The following CBFA2T2 variants were observed in gnomAD, a reference collection of about 807,000 sequenced individuals.
CBFA2T2 encodes CBFA2/RUNX1 partner transcriptional co-repressor 2.
Under a neutral mutation model 62.2 loss-of-function variants are expected in CBFA2T2, and 11 were observed. The observed-to-expected ratio is 0.18, with a 90% CI of 0.11 to 0.29. The LOEUF (loss-of-function observed/expected upper bound fraction) is 0.29. Among genes scored for constraint, CBFA2T2 ranks in the 10% least tolerant of loss-of-function variants. The pLI, the probability that CBFA2T2 is intolerant of heterozygous loss-of-function variation, is 1.00. For synonymous variants in CBFA2T2, 295 were observed against 287.5 expected, an observed-to-expected ratio of 1.03 and a Z score of -0.27; for missense variants, 592 against 774.1, an observed-to-expected ratio of 0.76 and a Z score of 2.79.
At chr20:33,588,685 G>T (rs895817041) in intron 1 of CBFA2T2, among the ~76,000 whole-genome samples, 2 of 152,160 alleles carry the variant, frequency 1.3e-5, no homozygotes, top group Admixed American at 1.3e-4. Context: ...GGTGGCTCAC[G>T]CCTGTAATCC....
intron 1 of CBFA2T2, among the ~76,000 whole-genome samples, chr20:33,604,054 G>A (rs1194994328): frequency 6.6e-6 from 1 of 152,154 alleles, no homozygotes; most frequent in Non-Finnish European, 1.5e-5. Flanking sequence ...CATCAAAAAT[G>A]CCACTTTACA....
intron 1 of CBFA2T2, among the ~76,000 whole-genome samples, chr20:33,533,523 G>T (rs1287598642): frequency 6.6e-6 from 1 of 152,124 alleles, no homozygotes; most frequent in Non-Finnish European, 1.5e-5. Context: ...GTAGTATTCT[G>T]TTGTATGGAT....
At chr20:33,621,064 GCA>G (rs1425239006) in intron 4 of CBFA2T2, among the ~76,000 whole-genome samples, 1 of 151,988 alleles carries the variant, frequency 6.6e-6, no homozygotes, top group Non-Finnish European at 1.5e-5. Flanking sequence ...CTTTAATCTG[GCA>G]CAGTTACTCA....
At position 33,562,645 on chromosome 20, in the gene CBFA2T2, T is replaced by C. The variant is rs536821400; in HGVS notation, c.35-44311T>C. On this transcript the variant is annotated intron_variant, in intron 1 of 10. Coordinates refer to ENST00000342704, the MANE Select transcript of CBFA2T2 (RefSeq NM_001032999.3). ...CAAATAAATTTGGTGTATTTAAGAA[T>C]CTGGATTGTTTATAATTTGGGCATT... The C allele has an allele frequency of 1.4e-5, 14 of 985,502 alleles. No homozygotes were observed. In the South Asian group the frequency reaches 2.3e-4, roughly 17 times the overall value. The allele number at this position is 985,502 out of a possible 1,614,324, so 61.0% of individuals were successfully genotyped here.
At chr20:33,614,354 GTATT>G (rs1240245174) in intron 3 of CBFA2T2, among the ~76,000 whole-genome samples, 1 of 152,072 alleles carries the variant, frequency 6.6e-6, no homozygotes, top group Non-Finnish European at 1.5e-5. Flanking sequence ...TTGCCATTGT[GTATT>G]TAGAGCCTAT....
At chr20:33,578,841 T>C (rs1452515170) in intron 1 of CBFA2T2, among the ~76,000 whole-genome samples, 1 of 151,836 alleles carries the variant, frequency 6.6e-6, no homozygotes, top group Non-Finnish European at 1.5e-5. Context: ...GCAGGAAATC[T>C]GAAGGATGGC....
At chr20:33,571,752 C>A (rs758705969) in intron 1 of CBFA2T2, among the ~76,000 whole-genome samples, 1 of 152,198 alleles carries the variant, frequency 6.6e-6, no homozygotes, top group Non-Finnish European at 1.5e-5. Context: ...GTAGTACACT[C>A]TTTTTGCTGA....
chr20:33,629,639 A>G (rs1387883329), intron 7 of CBFA2T2, 80 bp from the exon 8 acceptor site: 2 of 1,264,518 alleles, frequency 1.6e-6, no homozygotes, highest in Non-Finnish European at 2.2e-6. Flanking sequence ...TGAATTCCTC[A>G]TATTGCGTTG....
chr20:33,542,463 C>A (rs2012432961), intron 1 of CBFA2T2, among the ~76,000 whole-genome samples: 2 of 151,868 alleles, frequency 1.3e-5, no homozygotes, highest in African/African-American at 4.8e-5. Flanking sequence ...TAATTTTTTT[C>A]ATTAAGCCTC....
At chr20:33,508,238 G>T (rs1434414903) in intron 1 of CBFA2T2, among the ~76,000 whole-genome samples, 1 of 152,022 alleles carries the variant, frequency 6.6e-6, no homozygotes, top group Non-Finnish European at 1.5e-5. Flanking sequence ...GGTATTACAG[G>T]TGTGCGCCAC....
chr20:33,562,286 G>A (rs917888250), intron 1 of CBFA2T2: 5 of 623,582 alleles, frequency 8.0e-6, no homozygotes, highest in African/African-American at 2.0e-5. Flanking sequence ...TGGGAGGTGT[G>A]TACTTAGTGA....
At chr20:33,541,390 C>T (rs946971782) in intron 1 of CBFA2T2, among the ~76,000 whole-genome samples, 1 of 152,196 alleles carries the variant, frequency 6.6e-6, no homozygotes, top group African/African-American at 2.4e-5. Context: ...TGGAGACCAG[C>T]GGGTCATCTT....
At chr20:33,627,825 ATAG>A (rs1301643744) in intron 6 of CBFA2T2, among the ~76,000 whole-genome samples, 2 of 152,220 alleles carry the variant, frequency 1.3e-5, no homozygotes, top group African/African-American at 4.8e-5. Context: ...TAGGTTTAAA[ATAG>A]TAGACAATTC....
chr20:33,572,871 G>A (rs1767354321), intron 1 of CBFA2T2, among the ~76,000 whole-genome samples: 2 of 152,186 alleles, frequency 1.3e-5, no homozygotes, highest in African/African-American at 4.8e-5. Context: ...CTGTCATATA[G>A]AGAAAGAATT....
intron 1 of CBFA2T2, among the ~76,000 whole-genome samples, chr20:33,500,688 G>A (rs1293813612): frequency 3.3e-5 from 5 of 151,982 alleles, no homozygotes; most frequent in African/African-American, 1.2e-4. Context: ...CAGCCTGGGC[G>A]ACAGAGCAAG....
At chr20:33,593,602 A>G (rs1416728873) in intron 1 of CBFA2T2, among the ~76,000 whole-genome samples, 1 of 152,060 alleles carries the variant, frequency 6.6e-6, no homozygotes, top group African/African-American at 2.4e-5. Context: ...CATGTTGGCC[A>G]GGCTGGTCTC....
At chr20:33,513,343 G>T (rs2011541574) in intron 1 of CBFA2T2, among the ~76,000 whole-genome samples, 1 of 151,464 alleles carries the variant, frequency 6.6e-6, no homozygotes, top group Admixed American at 6.6e-5. Context: ...AGACCGTAAT[G>T]GGTTTTTTTG....
chr20:33,560,749 A>G (rs1405329993), intron 1 of CBFA2T2, among the ~76,000 whole-genome samples: 1 of 152,156 alleles, frequency 6.6e-6, no homozygotes, highest in Non-Finnish European at 1.5e-5. Context: ...GACTATATAT[A>G]TATATATGCA....
chr20:33,586,052 C>A (rs2014354304), intron 1 of CBFA2T2, among the ~76,000 whole-genome samples: 2 of 152,156 alleles, frequency 1.3e-5, no homozygotes, highest in African/African-American at 4.8e-5. Flanking sequence ...ATATCTGTCT[C>A]TAAAAAGGTA....
Sources: allele counts gnomAD v4.1 joint callset (sites outside exome capture counted in the v4.1 genomes callset), GRCh38; gene constraint gnomAD v4.1.1; transcripts MANE v1.5; gene names NCBI Gene and HGNC (gene_info 2026-07-23, HGNC 2026-07-21).